AGAP4: variants seen among roughly 807,000 people sequenced by gnomAD.
AGAP4 encodes ArfGAP with GTPase domain, ankyrin repeat and PH domain 4.
In AGAP4, 13 loss-of-function variants were observed where a neutral mutation model predicts 60.7. The observed-to-expected ratio is 0.21, with a 90% CI of 0.14 to 0.34. The LOEUF is 0.34. Among genes scored for constraint, AGAP4 ranks in the 10% least tolerant of loss-of-function variants. AGAP4 has a pLI of 1.00. For synonymous variants in AGAP4, 70 were observed against 339.0 expected (o/e 0.21, Z 8.72); for missense variants, 169 against 884.0 (o/e 0.19, Z 10.26).
rs1194965190 is a variant in AGAP4 at position 45,839,581 on chromosome 10, A to G, written c.396+2072T>C. On this transcript the variant is annotated intron_variant, in intron 4 of 7. Coordinates refer to ENST00000616763, the MANE Select transcript of AGAP4 (RefSeq NM_001276343.3). ...GCCTGCTTTTACTTTCCAGGCAGAA[A>G]ACTGGGAGATCCTTCTCAGAAGAAA... Among the ~76,000 whole-genome samples, 2 of 129,464 alleles carry G rather than the reference A, an allele frequency of 1.5e-5. 1 individual carries two copies. The highest frequency in any genetic ancestry group is 3.4e-5 in the Non-Finnish European group (2 of 59,516). 84.9% of individuals were successfully genotyped at this position (129,464 alleles called of 152,430 possible). A position where few individuals can be genotyped will look rare whatever the true frequency, so the allele number is the denominator to read the frequency against.
chr10:45,830,040 C>T (rs1220665201), intron 6 of AGAP4, among the ~76,000 whole-genome samples: 1 of 145,926 alleles, frequency 6.9e-6, no homozygotes, highest in Non-Finnish European at 1.5e-5. Context: ...AAAATGCCAC[C>T]GTAACTAATT....
intron 3 of AGAP4, 90 bp downstream of exon 3, chr10:45,844,236 C>T: frequency 1.4e-6 from 2 of 1,396,504 alleles, no homozygotes; most frequent in Non-Finnish European, 1.9e-6. Flanking sequence ...AAATTTTAAA[C>T]CAATATGAGT....
intron 3 of AGAP4, among the ~76,000 whole-genome samples, chr10:45,841,912 C>G (rs1357427448): frequency 6.6e-6 from 1 of 151,710 alleles, no homozygotes; most frequent in Non-Finnish European, 1.5e-5. Context: ...CTATTACACA[C>G]AAATGAAAGA....
chr10:45,848,032 G>T (rs1590041966), upstream of AGAP4: 4 of 951,532 alleles, frequency 4.2e-6, no homozygotes, highest in Non-Finnish European at 3.8e-6. Context: ...AGTAGAGTGG[G>T]TCCAATTAGC....
intron 2 of AGAP4, among the ~76,000 whole-genome samples, 167 bp downstream of exon 2, chr10:45,846,520 G>T (rs1445283268): frequency 6.6e-6 from 1 of 150,748 alleles, no homozygotes; most frequent in Admixed American, 6.6e-5. Flanking sequence ...CACTTACCTG[G>T]TTCCTTCACT....
intron 6 of AGAP4, among the ~76,000 whole-genome samples, chr10:45,830,575 T>A (rs1327365165): frequency 2.8e-5 from 3 of 107,690 alleles, no homozygotes; most frequent in Non-Finnish European, 5.9e-5. Flanking sequence ...AACCTCCGCC[T>A]CCCAAGTTCA....
intron 6 of AGAP4, among the ~76,000 whole-genome samples, chr10:45,830,581 G>C (rs1265182513): frequency 1.8e-5 from 2 of 108,730 alleles, no homozygotes; most frequent in East Asian, 5.2e-4. Context: ...CGCCTCCCAA[G>C]TTCAAGCGGT....
chr10:45,853,832 G>T, exon 1 of AGAP4: 1 of 1,282,132 alleles, frequency 7.8e-7, no homozygotes, highest in South Asian at 1.3e-5. Context: ...ATCCTCTGCA[G>T]ATGGGTCTAT....
chr10:45,831,909 T>C (rs1246201334), intron 5 of AGAP4, among the ~76,000 whole-genome samples: 2 of 148,036 alleles, frequency 1.4e-5, no homozygotes, highest in Non-Finnish European at 1.5e-5. Flanking sequence ...CCAGATAATG[T>C]TTTTTTGGGG....
rs373830852 is a variant in AGAP4, at chr10:45,825,882, C to T, written c.*33G>A. 149 of 1,317,826 alleles carry T rather than the reference C, an allele frequency of 1.1e-4. 42 individuals are homozygous for T. Among genetic ancestry groups the T allele is most frequent in the Non-Finnish European group, 1.1e-4 (106 of 974,780 alleles). The allele number at this position is 1,317,826 out of a possible 1,614,324, so 81.6% of individuals were successfully genotyped here. A position where few individuals can be genotyped will look rare whatever the true frequency, so the allele number is the denominator to read the frequency against. On this transcript the variant is annotated 3_prime_UTR_variant, in exon 8 of 8. Coordinates refer to ENST00000616763, the MANE Select transcript of AGAP4 (RefSeq NM_001276343.3). ...CCTTATTTTTCCCATTTTGTTTTTGCACCAAGGAGACTGCAGTCAAATAAA... is the reference window on the plus strand; with the variant it reads ...CCTTATTTTTCCCATTTTGTTTTTGTACCAAGGAGACTGCAGTCAAATAAA...
At chr10:45,851,256 C>A (rs1462758494), upstream of AGAP4, among the ~76,000 whole-genome samples, 15 of 151,964 alleles carry the variant, frequency 9.9e-5, no homozygotes, top group East Asian at 1.9e-4. Flanking sequence ...TTAAGTGAAG[C>A]TTGCAAAAGT....
At chr10:45,841,807 A>C in intron 3 of AGAP4, 120 bp from the exon 4 acceptor site, 1 of 1,184,300 alleles carries the variant, frequency 8.4e-7, no homozygotes. Flanking sequence ...TTAAAAAAAA[A>C]ATTTTCAATA....
intron 5 of AGAP4, among the ~76,000 whole-genome samples, chr10:45,832,385 C>T (rs1418296164): frequency 9.3e-5 from 14 of 149,978 alleles, no homozygotes; most frequent in African/African-American, 3.4e-4. Context: ...TCGTCCTAAA[C>T]TCAAATTAAG....
At chr10:45,851,733 G>C (rs1307821398), upstream of AGAP4, among the ~76,000 whole-genome samples, 3 of 151,694 alleles carry the variant, frequency 2.0e-5, no homozygotes, top group East Asian at 3.9e-4. Context: ...GGTTAGAAGA[G>C]AAGGAAGAAC....
chr10:45,846,802 A>T (rs1299088719), intron 1 of AGAP4, 47 bp from the exon 2 acceptor site: 2 of 694,448 alleles, frequency 2.9e-6, no homozygotes, highest in African/African-American at 3.7e-5. Flanking sequence ...TCATTTATAA[A>T]AATTTATCAA....
chr10:45,852,949 G>C (rs2059102328), intron 1 of AGAP4, among the ~76,000 whole-genome samples: 1 of 151,784 alleles, frequency 6.6e-6, no homozygotes, highest in Admixed American at 6.6e-5. Flanking sequence ...AAACTAACAT[G>C]CTATGCCACA....
At chr10:45,846,259 C>T (rs1490833310) in intron 2 of AGAP4, among the ~76,000 whole-genome samples, 5 of 151,318 alleles carry the variant, frequency 3.3e-5, no homozygotes, top group Non-Finnish European at 5.9e-5. Context: ...TTTTCTGCAG[C>T]CCCGGCTGTG....
At chr10:45,846,992 T>G in intron 1 of AGAP4, 133 bp downstream of exon 1, 1 of 1,595,864 alleles carries the variant, frequency 6.3e-7, no homozygotes, top group Admixed American at 1.7e-5. Flanking sequence ...CCAGCTTTTG[T>G]TCCTGGCCAG....
At chr10:45,843,142 C>T (rs2058946038) in intron 3 of AGAP4, among the ~76,000 whole-genome samples, 1 of 109,362 alleles carries the variant, frequency 9.1e-6, no homozygotes, top group Non-Finnish European at 1.9e-5. Context: ...ACCAAAAATA[C>T]AGAAATTAGC....
Sources: gnomAD v4.1 joint callset for allele counts (sites outside exome capture counted in the v4.1 genomes callset) on GRCh38, gnomAD v4.1.1 for gene constraint, MANE v1.5 for transcripts, NCBI Gene and HGNC (gene_info 2026-07-23, HGNC 2026-07-21) for gene names.